The following FAM83A variants were observed in gnomAD, a reference collection of about 807,000 sequenced individuals.
The protein encoded by FAM83A is scaffolding CK1 anchoring protein A, also known as protein FAM83A.
FAM83A carries 21 observed loss-of-function variants against 24.4 expected under a neutral mutation model. The ratio of observed to expected loss-of-function variants is 0.86; its 90% confidence interval spans 0.61 to 1.24. The LOEUF is 1.24. FAM83A is among the 50% of genes most tolerant of loss of function. The probability of loss-of-function intolerance (pLI) is 0.00; values close to 1 mark genes in which losing one functional copy is unlikely to be tolerated. For missense variants in FAM83A, 617 were observed against 579.8 expected (o/e 1.06, Z -0.66); for synonymous variants, 270 against 252.4 (o/e 1.07, Z -0.66).
intron 3 of FAM83A, among the ~76,000 whole-genome samples, chr8:123,198,580 AC>A (rs1462885063): frequency 2.0e-5 from 3 of 152,146 alleles, no homozygotes; most frequent in African/African-American, 7.2e-5. Flanking sequence ...CCCAAGATAA[AC>A]TTCCCTTTAA....
intron 3 of FAM83A, among the ~76,000 whole-genome samples, chr8:123,204,442 G>A (rs568462144): frequency 1.3e-4 from 20 of 152,266 alleles, no homozygotes; most frequent in Admixed American, 1.1e-3. Context: ...TGAATGCTAC[G>A]TACTTATGGG....
chr8:123,195,910 A>G (rs1012605057), intron 3 of FAM83A, among the ~76,000 whole-genome samples: 7 of 152,268 alleles, frequency 4.6e-5, no homozygotes, highest in African/African-American at 1.7e-4. Flanking sequence ...CTGGAACAGA[A>G]ACAGACATTC....
chr8:123,185,365 A>G (rs1563779685), intron 1 of FAM83A, among the ~76,000 whole-genome samples: 1 of 152,136 alleles, frequency 6.6e-6, no homozygotes, highest in Non-Finnish European at 1.5e-5. Context: ...TCGAAGGGTG[A>G]GGAAGGATCC....
intron 3 of FAM83A, among the ~76,000 whole-genome samples, chr8:123,194,352 G>T (rs1302997455): frequency 6.6e-6 from 1 of 152,222 alleles, no homozygotes; most frequent in Non-Finnish European, 1.5e-5. Flanking sequence ...AGGTAGAGAG[G>T]CATTTCCAGG....
At chr8:123,204,623 A>G (rs1034820606) in intron 3 of FAM83A, among the ~76,000 whole-genome samples, 13 of 151,726 alleles carry the variant, frequency 8.6e-5, no homozygotes, top group Non-Finnish European at 1.5e-4. Context: ...TTAGCCGGGC[A>G]TGGTGGCGGG....
chr8:123,191,687 C>T (rs1823979713), intron 1 of FAM83A, 116 bp from the exon 2 acceptor site: 1 of 1,099,970 alleles, frequency 9.1e-7, no homozygotes, highest in Non-Finnish European at 1.3e-6. Context: ...ATCCTCTCCC[C>T]TCTGGCCCAA....
chr8:123,182,183 A>C (rs1351261048), upstream of FAM83A: 7 of 447,274 alleles, frequency 1.6e-5, no homozygotes, highest in Non-Finnish European at 3.2e-5. Context: ...AACACTTGAG[A>C]GGGCATGGGA....
intron 1 of FAM83A, among the ~76,000 whole-genome samples, chr8:123,187,936 C>G (rs1823858396): frequency 1.3e-5 from 2 of 152,148 alleles, no homozygotes; most frequent in Admixed American, 6.5e-5. Context: ...TCTCAGCTCA[C>G]TACAACCTCC....
intron 3 of FAM83A, among the ~76,000 whole-genome samples, chr8:123,204,313 G>T (rs904212749): frequency 2.0e-5 from 3 of 152,140 alleles, no homozygotes; most frequent in Admixed American, 6.5e-5. Context: ...CTTTTAGGTA[G>T]TGGGTTCATA....
chr8:123,204,008 G>GAAAGCA (rs1468887261), intron 3 of FAM83A, among the ~76,000 whole-genome samples: 1 of 151,212 alleles, frequency 6.6e-6, no homozygotes, highest in Non-Finnish European at 1.5e-5. Context: ...ATGGAAAAAG[G>GAAAGCA]AAAGCAAGGG....
chr8:123,183,677 T>C (rs1460206895), intron 1 of FAM83A, among the ~76,000 whole-genome samples: 1 of 151,474 alleles, frequency 6.6e-6, no homozygotes, highest in Non-Finnish European at 1.5e-5. Flanking sequence ...TTTTCTTTTT[T>C]TCTTTCTTTT....
rs1292711347 is a variant in FAM83A at position 123,209,676 on chromosome 8, T to A, written c.*1988T>A. ...TTCCAAAGGCCTCAGCCTGTGCCTG[T>A]GTCGAGCTCAGTCCTGGGAGATAGG... On this transcript the variant is annotated 3_prime_UTR_variant, in exon 4 of 4. Coordinates refer to ENST00000690554, the Ensembl canonical transcript of FAM83A. The surrounding 1 kb of genome is among the most constrained non-coding windows in gnomAD (Gnocchi z 4.7). 1.9e-6 allele frequency: 2 copies of A among 1,058,042 alleles called. No homozygotes were observed. The highest frequency in any genetic ancestry group is 2.8e-6 in the Non-Finnish European group (2 of 713,694). The allele number at this position is 1,058,042 out of a possible 1,614,324, so 65.5% of individuals were successfully genotyped here.
Position 123,209,591 on chromosome 8 carries a change from T to G in FAM83A, c.*1903T>G. On this transcript the variant is annotated 3_prime_UTR_variant, in exon 4 of 4. Coordinates refer to ENST00000690554, the Ensembl canonical transcript of FAM83A. This position sits in a 1 kb window ranked among gnomAD's most constrained non-coding sequence, Gnocchi z 4.7. ...ACATTCCAAATTGGATTTCACCATCTGCTGAGAAAGTTTAAGGAAGGCAAA... is the reference window on the plus strand; with the variant it reads ...ACATTCCAAATTGGATTTCACCATCGGCTGAGAAAGTTTAAGGAAGGCAAA... The G allele has an allele frequency of 6.2e-7, 1 of 1,605,936 alleles. No homozygotes were observed. Among genetic ancestry groups the G allele is most frequent in the Non-Finnish European group, 8.5e-7 (1 of 1,173,764 alleles).
exon 4 of FAM83A, chr8:123,207,851 C>CG: frequency 1.4e-6 from 2 of 1,383,502 alleles, no homozygotes; most frequent in South Asian, 3.6e-5. Flanking sequence ...ATCCACTTGC[C>CG]GGCCCCCACC....
rs185887159 is a variant in FAM83A at position 123,186,424 on chromosome 8, G to A, written c.480+3088G>A. ...CTCCCTCTCCTAAGCCTCAGCCCCC[G>A]AGCGGAGCCGGAAGGGAACCAACTG... is the stretch of plus-strand genomic sequence containing the variant. On this transcript the variant is annotated intron_variant, in intron 1 of 3. Coordinates refer to ENST00000690554, the Ensembl canonical transcript of FAM83A. Among the ~76,000 whole-genome samples the A allele has an allele frequency of 2.2e-3, 324 of 148,012 alleles. 1 individual carries two copies. Among genetic ancestry groups the A allele is most frequent in the African/African-American group, 7.5e-3 (308 of 41,310 alleles).
exon 4 of FAM83A, chr8:123,208,651 T>A: frequency 1.0e-6 from 1 of 985,500 alleles, no homozygotes; most frequent in South Asian, 4.7e-5. Context: ...TGGAACTAGG[T>A]CCTGAGGGCA....
At chr8:123,194,749 C>G (rs1824092063) in intron 3 of FAM83A, among the ~76,000 whole-genome samples, 1 of 152,180 alleles carries the variant, frequency 6.6e-6, no homozygotes, top group Admixed American at 6.5e-5. Flanking sequence ...TCCCAAAGTG[C>G]TGAGATTAGA....
intron 2 of FAM83A, 115 bp from the exon 3 acceptor site, chr8:123,193,909 G>A: frequency 6.8e-6 from 9 of 1,318,124 alleles, no homozygotes; most frequent in Non-Finnish European, 8.3e-6. Context: ...GTCACCCTGG[G>A]GATTAGGTTT....
exon 4 of FAM83A, chr8:123,208,072 G>T (rs1359840470): frequency 9.7e-7 from 1 of 1,035,490 alleles, no homozygotes; most frequent in African/African-American, 1.7e-5. Flanking sequence ...GAGGCACTGA[G>T]AGATAGATGG....
Sources: gnomAD v4.1 joint callset for allele counts (sites outside exome capture counted in the v4.1 genomes callset) on GRCh38, gnomAD v4.1.1 for gene constraint, Gnocchi (gnomAD v3.1) non-coding constraint, MANE v1.5 for transcripts, NCBI Gene and HGNC (gene_info 2026-07-23, HGNC 2026-07-21) for gene names.